AGMO: variants seen among roughly 807,000 people sequenced by gnomAD.
AGMO encodes alkylglycerol monooxygenase.
AGMO carries 75 observed loss-of-function variants against 60.2 expected under a neutral mutation model. The observed-to-expected ratio is 1.25, with a 90% CI of 1.03 to 1.51. AGMO has a LOEUF of 1.51. Ranked by LOEUF, AGMO falls within the 40% of genes most tolerant of loss-of-function variation. The probability of loss-of-function intolerance (pLI) is 0.00; values close to 1 mark genes in which losing one functional copy is unlikely to be tolerated. For missense variants in AGMO, 763 were observed against 525.5 expected (o/e 1.45, Z -4.42); for synonymous variants, 261 against 177.1 (o/e 1.47, Z -3.76).
intron 12 of AGMO, among the ~76,000 whole-genome samples, chr7:15,315,782 TAA>T (rs1325107555): frequency 6.6e-6 from 1 of 152,120 alleles, no homozygotes; most frequent in East Asian, 1.9e-4. Context: ...GTCTCTATTA[TAA>T]AGAGGACCAT....
intron 12 of AGMO, among the ~76,000 whole-genome samples, chr7:15,228,265 T>C (rs1157202067): frequency 6.6e-6 from 1 of 152,030 alleles, no homozygotes; most frequent in Non-Finnish European, 1.5e-5. Flanking sequence ...GTAGTTTGAG[T>C]GACACGTGGT....
Position 15,561,978 on chromosome 7 carries a change from A to G in AGMO, c.-133T>C, listed in dbSNP as rs988275751. ...AGAGAACAGCTAAAACCAAAGCTCC[A>G]CTGAGAGCACACTCAACAGCCGATT... is the stretch of plus-strand genomic sequence containing the variant. On this transcript the variant is annotated 5_prime_UTR_variant, in exon 1 of 13. Transcript: ENST00000342526. 30 of 848,262 alleles carry G rather than the reference A, an allele frequency of 3.5e-5. No individual in the cohort carries two copies. The highest frequency in any genetic ancestry group is 5.7e-5 in the Admixed American group (2 of 34,832). 52.5% of individuals were successfully genotyped at this position (848,262 alleles called of 1,614,324 possible).
downstream of AGMO, among the ~76,000 whole-genome samples, chr7:15,196,753 T>C (rs1050411684): frequency 6.6e-6 from 1 of 152,188 alleles, no homozygotes; most frequent in African/African-American, 2.4e-5. Context: ...AGACAAGTTG[T>C]AATTTGGGGC....
At chr7:15,209,192 A>G (rs1019608156) in intron 12 of AGMO, among the ~76,000 whole-genome samples, 11 of 152,170 alleles carry the variant, frequency 7.2e-5, no homozygotes, top group African/African-American at 2.7e-4. Flanking sequence ...TTTCTCTGAC[A>G]TAAATAAAGA....
At chr7:15,176,049 TA>T in the AGMO span, among the ~76,000 whole-genome samples, 1 of 152,026 alleles carries the variant, frequency 6.6e-6, no homozygotes, top group Non-Finnish European at 1.5e-5. Flanking sequence ...GAGCAATAGG[TA>T]ACGACATTTA....
intron 5 of AGMO, among the ~76,000 whole-genome samples, chr7:15,402,350 TTCATC>T (rs1410443998): frequency 1.3e-5 from 2 of 151,740 alleles, no homozygotes; most frequent in African/African-American, 4.8e-5. Flanking sequence ...CATTTATTCT[TTCATC>T]TATCTATCTG....
intron 5 of AGMO, among the ~76,000 whole-genome samples, chr7:15,415,048 G>A (rs1780724863): frequency 6.6e-6 from 1 of 152,038 alleles, no homozygotes; most frequent in Admixed American, 6.6e-5. Context: ...AGTAATCCTA[G>A]AAGACTATCT....
chr7:15,234,917 A>C (rs2128500582), intron 12 of AGMO, among the ~76,000 whole-genome samples: 1 of 152,252 alleles, frequency 6.6e-6, no homozygotes, highest in East Asian at 1.9e-4. Context: ...TTTACAACAT[A>C]AATTTATAAA....
At chr7:15,345,602 T>G (rs140355080) in intron 12 of AGMO, among the ~76,000 whole-genome samples, 183 of 152,364 alleles carry the variant, frequency 1.2e-3, no homozygotes, top group African/African-American at 3.6e-3. Context: ...AATGTCTAAT[T>G]TGCTACATTC....
intron 12 of AGMO, among the ~76,000 whole-genome samples, chr7:15,235,933 G>A (rs542037970): frequency 6.6e-6 from 1 of 152,200 alleles, no homozygotes; most frequent in African/African-American, 2.4e-5. Flanking sequence ...ACCAAGCGTG[G>A]CTTATTCTTC....
intron 12 of AGMO, among the ~76,000 whole-genome samples, chr7:15,342,653 G>A (rs543537438): frequency 3.4e-4 from 52 of 151,388 alleles, no homozygotes; most frequent in Non-Finnish European, 6.8e-4. Context: ...CTGATTTTGC[G>A]CGCGTGTGTG....
chr7:15,499,930 C>CATAT (rs1485312070), intron 3 of AGMO, among the ~76,000 whole-genome samples: 1 of 78,426 alleles, frequency 1.3e-5, no homozygotes, highest in Non-Finnish European at 3.0e-5. Flanking sequence ...CACACACACA[C>CATAT]ACATATATAT....
the AGMO span, among the ~76,000 whole-genome samples, chr7:15,189,866 C>G: frequency 2.0e-5 from 3 of 150,142 alleles, no homozygotes; most frequent in Non-Finnish European, 3.0e-5. Flanking sequence ...ATTTTTTATA[C>G]TAGTTGCTTA....
intron 3 of AGMO, among the ~76,000 whole-genome samples, chr7:15,492,132 T>C (rs960165195): frequency 1.3e-5 from 2 of 152,146 alleles, no homozygotes; most frequent in Admixed American, 6.5e-5. Flanking sequence ...CAGTCCAGGA[T>C]TGTAAATAGG....
chr7:15,365,394 AAG>A, intron 12 of AGMO, 118 bp downstream of exon 12: 7 of 487,166 alleles, frequency 1.4e-5, no homozygotes, highest in Non-Finnish European at 1.8e-5. Flanking sequence ...AAAAAAAAAA[AAG>A]ATCAAGATTT....
intron 12 of AGMO, among the ~76,000 whole-genome samples, chr7:15,283,787 C>T (rs1303133560): frequency 6.6e-6 from 1 of 151,864 alleles, no homozygotes; most frequent in African/African-American, 2.4e-5. Context: ...CATTCTTTCA[C>T]CAGTACATGG....
intron 12 of AGMO, among the ~76,000 whole-genome samples, chr7:15,335,575 T>C (rs1034927002): frequency 9.2e-5 from 14 of 152,270 alleles, no homozygotes; most frequent in African/African-American, 3.1e-4. Flanking sequence ...ATAGAAATCA[T>C]GGTAAACCTG....
At chr7:15,328,637 C>A (rs913113753) in intron 12 of AGMO, among the ~76,000 whole-genome samples, 1 of 152,220 alleles carries the variant, frequency 6.6e-6, no homozygotes, top group Non-Finnish European at 1.5e-5. Flanking sequence ...TTTCAGAGGA[C>A]AGAGGGAAAC....
chr7:15,259,537 A>G (rs1291302733), intron 12 of AGMO, among the ~76,000 whole-genome samples: 1 of 152,166 alleles, frequency 6.6e-6, no homozygotes, highest in South Asian at 2.1e-4. Flanking sequence ...CTAGACATCC[A>G]AATACAAGAA....
Sources: gnomAD v4.1 joint callset for allele counts (sites outside exome capture counted in the v4.1 genomes callset) on GRCh38, gnomAD v4.1.1 for gene constraint, MANE v1.5 for transcripts, NCBI Gene and HGNC (gene_info 2026-07-23, HGNC 2026-07-21) for gene names.